The following FER1L5 variants were observed in gnomAD, a reference collection of about 807,000 sequenced individuals.
FER1L5 encodes fer-1-like protein 5.
In FER1L5, 187 loss-of-function variants were observed where a neutral mutation model predicts 279.9. The ratio of observed to expected loss-of-function variants is 0.67; its 90% CI spans 0.59 to 0.75. The LOEUF is 0.75. Ranked by LOEUF, FER1L5 falls within the 30% of genes least tolerant of loss-of-function variation. The pLI, the probability that FER1L5 is intolerant of heterozygous loss-of-function variation, is 0.00. For synonymous variants in FER1L5, 921 were observed against 989.7 expected (o/e 0.93, Z 1.30); for missense variants, 2,091 against 2,594.4 (o/e 0.81, Z 4.21).
At position 96,691,436 on chromosome 2, in the gene FER1L5, C is replaced by A. The variant is rs1329376767; in HGVS notation, c.2908-9C>A. 38 of 1,535,820 alleles carry A rather than the reference C, an allele frequency of 2.5e-5. No homozygotes were observed. The highest frequency in any genetic ancestry group is 1.4e-4 in the Admixed American group (7 of 49,238). ...CAGGAACACAACCCTGCTCTCCTCCCCACCACAGGGCCTGGCCAAGGGCGA... is the reference window on the plus strand; with the variant it reads ...CAGGAACACAACCCTGCTCTCCTCCACACCACAGGGCCTGGCCAAGGGCGA... On this transcript the variant is annotated splice_polypyrimidine_tract_variant and intron_variant, in intron 28 of 52. Coordinates refer to ENST00000624922, the MANE Select transcript of FER1L5 (RefSeq NM_001293083.2). This position sits in a 1 kb window ranked among gnomAD's most constrained non-coding sequence, Gnocchi z 6.0.
chr2:96,659,234 A>C (rs978444814), intron 9 of FER1L5, among the ~76,000 whole-genome samples: 1 of 151,368 alleles, frequency 6.6e-6, no homozygotes, highest in Non-Finnish European at 1.5e-5. Flanking sequence ...TCATTTTCTT[A>C]ACAGTGTCTT....
In FER1L5 at chr2:96,703,146, G is replaced by A. The variant is rs2077653848; in HGVS notation, c.5498-7G>A. On this transcript the variant is annotated splice_region_variant and splice_polypyrimidine_tract_variant and intron_variant, in intron 49 of 52. Coordinates refer to ENST00000624922, the MANE Select transcript of FER1L5 (RefSeq NM_001293083.2). ...CCTTCTTGCTGATGTCATTTTTCTGGGCTCAGGGGTCCTGGAGCTGGATTT... is the reference window on the plus strand; with the variant it reads ...CCTTCTTGCTGATGTCATTTTTCTGAGCTCAGGGGTCCTGGAGCTGGATTT... The A allele has an allele frequency of 6.2e-7, 1 of 1,612,296 alleles. No homozygotes were observed. The highest frequency in any genetic ancestry group is 1.3e-5 in the African/African-American group (1 of 74,864).
chr2:96,665,299 G>A (rs890302891), intron 14 of FER1L5, among the ~76,000 whole-genome samples: 16 of 152,132 alleles, frequency 1.1e-4, no homozygotes, highest in African/African-American at 2.9e-4. Context: ...TAGCTAATGC[G>A]CTCCCCTTCT....
chr2:96,663,424 T>A lies in FER1L5; in HGVS notation c.1072-15T>A. 2 of 1,551,536 alleles carry A rather than the reference T, an allele frequency of 1.3e-6. No homozygotes were observed. Among genetic ancestry groups the A allele is most frequent in the Non-Finnish European group, 1.7e-6 (2 of 1,146,850 alleles). ...GGGGGCAGGCTGGCACCAACACTGCTTTGGGACATTCCAGCTCAGGACACA... is the reference window on the plus strand; with the variant it reads ...GGGGGCAGGCTGGCACCAACACTGCATTGGGACATTCCAGCTCAGGACACA... On this transcript the variant is annotated splice_polypyrimidine_tract_variant and intron_variant, in intron 13 of 52. Transcript: ENST00000624922.
rs1366949533 is a variant in FER1L5 at position 96,691,647 on chromosome 2, A to T, written c.3075+35A>T. The T allele has an allele frequency of 5.3e-6, 8 of 1,507,908 alleles. No homozygotes were observed. The highest frequency in any genetic ancestry group is 7.1e-6 in the Non-Finnish European group (8 of 1,125,426). The allele number at this position is 1,507,908 out of a possible 1,614,324, so 93.4% of individuals were successfully genotyped here. Reference sequence around the variant, plus strand: ...CACAGGCTGGGTGATGCCTGCCTGTAACCCCACCTCCCAGAGAAGCCAGGG... The same window carrying T: ...CACAGGCTGGGTGATGCCTGCCTGTTACCCCACCTCCCAGAGAAGCCAGGG... On this transcript the variant is annotated intron_variant, in intron 29 of 52. Coordinates refer to ENST00000624922, the MANE Select transcript of FER1L5 (RefSeq NM_001293083.2). The surrounding 1 kb of genome is among the most constrained non-coding windows in gnomAD (Gnocchi z 6.0).
chr2:96,693,172 C>G (rs894750623), intron 31 of FER1L5, among the ~76,000 whole-genome samples: 3 of 148,316 alleles, frequency 2.0e-5, no homozygotes, highest in Non-Finnish European at 3.0e-5. Context: ...GAAACTCTGA[C>G]TCAAAAAAAA....
At chr2:96,661,845 T>G in intron 12 of FER1L5, 54 bp downstream of exon 12, 1 of 1,547,418 alleles carries the variant, frequency 6.5e-7, no homozygotes, top group Non-Finnish European at 8.7e-7. Flanking sequence ...TACACGGTGA[T>G]ACCCTGGATC....
intron 9 of FER1L5, 97 bp from the exon 10 acceptor site, chr2:96,660,244 T>C: frequency 7.8e-7 from 1 of 1,274,712 alleles, no homozygotes; most frequent in Non-Finnish European, 1.1e-6. Flanking sequence ...GAGAACATAC[T>C]GAAGCCCCAA....
At chr2:96,674,924 C>G (rs1208498334) in intron 19 of FER1L5, among the ~76,000 whole-genome samples, 1 of 152,192 alleles carries the variant, frequency 6.6e-6, no homozygotes, top group African/African-American at 2.4e-5. Flanking sequence ...TTCCCAGATT[C>G]CTTCACCCAA....
intron 1 of FER1L5, among the ~76,000 whole-genome samples, chr2:96,645,495 A>G (rs530699784): frequency 6.6e-6 from 1 of 152,242 alleles, no homozygotes; most frequent in Admixed American, 6.5e-5. Context: ...ACTCTGGAAG[A>G]AAATGAAATG....
chr2:96,698,775 G>T lies in FER1L5; in HGVS notation c.4461G>T (p.Leu1487Phe). 6.4e-7 allele frequency: 1 copy of T among 1,567,618 alleles called. No homozygotes were observed. The change falls in exon 41 of 53, where the codon TTG (leucine) becomes TTT (phenylalanine). Residue 1487 changes from leucine (L) to phenylalanine (F), a missense_variant. Physicochemically the swap from Leu to Phe is conservative, Grantham distance 22 (BLOSUM62 0). Coordinates refer to ENST00000624922, the MANE Select transcript of FER1L5 (RefSeq NM_001293083.2). This position sits in a 1 kb window ranked among gnomAD's most constrained non-coding sequence, Gnocchi z 5.5. ...GAGAGGACTTCCCCCAGCCGTGCTT[G>T]GTGCGGGTGTACATGGTACGAGCCA... ...PEREDFPQPC[L>F]VRVYMVRAIN...
chr2:96,689,709 G>A lies in FER1L5; in HGVS notation c.2591G>A (p.Arg864His), dbSNP rs766518333. The A allele has an allele frequency of 4.5e-6, 7 of 1,550,668 alleles. No individual in the cohort carries two copies. The Admixed American group carries it at 5.9e-5, about 13-fold the overall frequency. The change falls in exon 26 of 53, where the codon CGT (arginine) becomes CAT (histidine). Residue 864 changes from arginine (R) to histidine (H), a missense_variant. Physicochemically the swap from Arg to His is conservative, Grantham distance 29 (BLOSUM62 0). Transcript: ENST00000624922. This position sits in a 1 kb window ranked among gnomAD's most constrained non-coding sequence, Gnocchi z 4.6. ...GAGGAGGTATATGAGAACCAGGGCC[G>A]TGACACCAGAGGGGCCTGGGGGCCT... is the stretch of plus-strand genomic sequence containing the variant. ...VLEEVYENQG[R>H]DTRGAWGPAA...
chr2:96,672,553 A>G (rs1301515226), intron 18 of FER1L5, among the ~76,000 whole-genome samples: 1 of 152,150 alleles, frequency 6.6e-6, no homozygotes, highest in Admixed American at 6.6e-5. Flanking sequence ...GGGCTGATAC[A>G]ATGGACAGGA....
In FER1L5 at chr2:96,673,211, G is replaced by A. The variant is rs959479915; in HGVS notation, c.1626G>A (p.Lys542=). The A allele has an allele frequency of 2.8e-5, 43 of 1,551,544 alleles. No individual in the cohort carries two copies. The highest frequency in any genetic ancestry group is 3.7e-5 in the Non-Finnish European group (42 of 1,146,942). ...HYGNKMDLNY[K]PLVSSTPYSP... Reference sequence around the variant, plus strand: ...GGAACAAGATGGACCTGAATTACAAGCCTCTAGTCTCAAGCACACCGTACA... The same window carrying A: ...GGAACAAGATGGACCTGAATTACAAACCTCTAGTCTCAAGCACACCGTACA... The change falls in exon 19 of 53, where the codon AAG becomes AAA. Residue 542 remains lysine (K), a synonymous_variant. Coordinates refer to ENST00000624922, the MANE Select transcript of FER1L5 (RefSeq NM_001293083.2).
At chr2:96,677,647 C>A (rs1204236880) in intron 19 of FER1L5, among the ~76,000 whole-genome samples, 1 of 151,020 alleles carries the variant, frequency 6.6e-6, no homozygotes. Flanking sequence ...GGGTGGATCA[C>A]CTGAGGTCGG....
chr2:96,653,662 A>G lies in FER1L5; in HGVS notation c.656A>G (p.Glu219Gly). 1 of 1,551,504 alleles carries G rather than the reference A, an allele frequency of 6.4e-7. No individual in the cohort carries two copies. The highest frequency in any genetic ancestry group is 8.7e-7 in the Non-Finnish European group (1 of 1,146,924). ...CAGATCTTCTTCCAGAATTTTCATG[A>G]GGTTCCTGCAAAGTTCTTTGATGAG... ...FNEIFFQNFH[E>G]VPAKFFDETI... The change falls in exon 8 of 53, where the codon GAG (glutamate) becomes GGG (glycine). Residue 219 changes from glutamate (E) to glycine (G), a missense_variant. Coordinates refer to ENST00000624922, the MANE Select transcript of FER1L5 (RefSeq NM_001293083.2).
At chr2:96,651,555 G>T (rs1043392115) in intron 6 of FER1L5, among the ~76,000 whole-genome samples, 3 of 147,030 alleles carry the variant, frequency 2.0e-5, no homozygotes, top group Admixed American at 1.4e-4. Flanking sequence ...AGGCTGGAGT[G>T]CAGTGGCACG....
chr2:96,686,228 C>G lies in FER1L5; in HGVS notation c.2107C>G (p.Leu703Val). ...QMGLPDVMIW[L>V]VAKEQRVAYA... ...GGGCCTCCCTGACGTGATGATTTGG[C>G]TGGTGGCCAAGGAGCAGCGAGTGGC... The change falls in exon 23 of 53, where the codon CTG becomes GTG. Residue 703 changes from leucine (L) to valine (V), a missense_variant. Transcript: ENST00000624922. 5 of 1,551,324 alleles carry G rather than the reference C, an allele frequency of 3.2e-6. No homozygotes were observed. The highest frequency in any genetic ancestry group is 4.4e-6 in the Non-Finnish European group (5 of 1,146,732).
chr2:96,678,829 A>C (rs898980847), intron 19 of FER1L5, among the ~76,000 whole-genome samples: 1 of 152,186 alleles, frequency 6.6e-6, no homozygotes, highest in African/African-American at 2.4e-5. Flanking sequence ...TGTTTCTCTT[A>C]TTATTGAGTT....
Sources: allele counts gnomAD v4.1 joint callset (sites outside exome capture counted in the v4.1 genomes callset), GRCh38; gene constraint gnomAD v4.1.1; non-coding constraint Gnocchi (gnomAD v3.1); transcripts MANE v1.5; gene names NCBI Gene and HGNC (gene_info 2026-07-23, HGNC 2026-07-21).